ORC5: variants seen among roughly 807,000 people sequenced by gnomAD.
ORC5 encodes protein phosphatase 1, regulatory subunit 117.
ORC5 carries 39 observed loss-of-function variants against 58.8 expected under a neutral mutation model. That is an observed-to-expected ratio of 0.66 (90% confidence interval 0.51 to 0.87). The LOEUF (loss-of-function observed/expected upper bound fraction) is 0.87, where lower values mean the gene tolerates loss of function less well. Among genes scored for constraint, ORC5 ranks in the 40% least tolerant of loss-of-function variants. The pLI is 0.00. For missense variants in ORC5, 493 were observed against 506.3 expected (o/e 0.97, Z 0.25); for synonymous variants, 218 against 177.6 (o/e 1.23, Z -1.81).
At chr7:104,193,279 T>C (rs73415704) in intron 5 of ORC5, among the ~76,000 whole-genome samples, 8,837 of 152,116 alleles carry the variant, frequency 0.058, 852 homozygotes, top group African/African-American at 0.2. Flanking sequence ...TTATAATAAA[T>C]ATAGAAGTAA....
intron 9 of ORC5, 114 bp downstream of exon 9, chr7:104,168,359 A>AT (rs1562815425): frequency 2.1e-6 from 3 of 1,456,406 alleles, no homozygotes; most frequent in Non-Finnish European, 2.8e-6. Context: ...TGAAAAGTAA[A>AT]TTCTCTTTTA....
At chr7:104,160,781 G>C (rs1231937590) in intron 12 of ORC5, among the ~76,000 whole-genome samples, 1 of 151,898 alleles carries the variant, frequency 6.6e-6, no homozygotes, top group Non-Finnish European at 1.5e-5. Flanking sequence ...CAAGCCACTT[G>C]TTTAATTAGC....
At chr7:104,194,860 C>CA (rs1213284506) in intron 5 of ORC5, among the ~76,000 whole-genome samples, 1 of 151,692 alleles carries the variant, frequency 6.6e-6, no homozygotes, top group African/African-American at 2.4e-5. Flanking sequence ...CTCACAGTTC[C>CA]AAAATAAAAA....
rs1357067769 is a variant in ORC5 at position 104,138,601 on chromosome 7, C to T, written c.1150-1708G>A. Among the ~76,000 whole-genome samples the T allele has an allele frequency of 1.3e-5, 2 of 152,048 alleles. No homozygotes were observed. Among genetic ancestry groups the T allele is most frequent in the Non-Finnish European group, 2.9e-5 (2 of 67,992 alleles). On this transcript the variant is annotated intron_variant, in intron 12 of 13. Transcript: ENST00000297431. This position sits in a 1 kb window ranked among gnomAD's most constrained non-coding sequence, Gnocchi z 4.7. ...CATGGCTCACTGCAGCCTCAACCTC[C>T]CCAGACTCAGGTGATCCTCCCACAG...
At chr7:104,144,428 T>C (rs1798722704) in intron 12 of ORC5, among the ~76,000 whole-genome samples, 1 of 152,170 alleles carries the variant, frequency 6.6e-6, no homozygotes, top group Non-Finnish European at 1.5e-5. Flanking sequence ...TATATATCCA[T>C]GAAACTCTTG....
At chr7:104,207,706 C>T (rs540744991) in intron 1 of ORC5, 127 bp downstream of exon 1, 2 of 759,758 alleles carry the variant, frequency 2.6e-6, no homozygotes, top group East Asian at 5.3e-5. Context: ...AACCACAACA[C>T]CCCTATTTAA....
At chr7:104,156,969 C>T (rs1259729784) in intron 12 of ORC5, among the ~76,000 whole-genome samples, 1 of 151,772 alleles carries the variant, frequency 6.6e-6, no homozygotes, top group African/African-American at 2.4e-5. Context: ...AAAAACATTG[C>T]CATCTAGTGT....
At chr7:104,184,921 C>T (rs1233992132) in intron 6 of ORC5, among the ~76,000 whole-genome samples, 1 of 152,112 alleles carries the variant, frequency 6.6e-6, no homozygotes, top group Non-Finnish European at 1.5e-5. Context: ...GACTGCCTTC[C>T]CTAACCAAGT....
intron 8 of ORC5, among the ~76,000 whole-genome samples, chr7:104,181,350 A>C (rs1584509205): frequency 6.6e-6 from 1 of 152,166 alleles, no homozygotes; most frequent in East Asian, 1.9e-4. Context: ...AAAATTCAAA[A>C]ACTATTCATG....
At chr7:104,137,203 A>G (rs1475579217) in intron 12 of ORC5, among the ~76,000 whole-genome samples, 7 of 151,040 alleles carry the variant, frequency 4.6e-5, no homozygotes, top group Non-Finnish European at 8.9e-5. Flanking sequence ...CTTGGGCTCA[A>G]GTGGTCCTCT....
intron 8 of ORC5, 36 bp from the exon 9 acceptor site, chr7:104,168,561 A>T (rs746302030): frequency 7.4e-7 from 1 of 1,350,956 alleles, no homozygotes; most frequent in Non-Finnish European, 1.0e-6. Flanking sequence ...TGAATTAAAA[A>T]TAAATAAAAT....
At chr7:104,184,668 G>A (rs1023020840) in intron 6 of ORC5, among the ~76,000 whole-genome samples, 2 of 150,782 alleles carry the variant, frequency 1.3e-5, no homozygotes, top group Non-Finnish European at 2.9e-5. Flanking sequence ...AGGGCTGCAA[G>A]CACAAGAACA....
Position 104,188,518 on chromosome 7 carries a change from G to A in ORC5, c.554-137C>T, listed in dbSNP as rs1240393573. 8.7e-6 allele frequency: 5 copies of A among 575,334 alleles called. No individual in the cohort carries two copies. In the Admixed American group the frequency reaches 1.3e-4, roughly 15 times the overall value. The allele number at this position is 575,334 out of a possible 1,614,324, so 35.6% of individuals were successfully genotyped here. A position where few individuals can be genotyped will look rare whatever the true frequency, so the allele number is the denominator to read the frequency against. On this transcript the variant is annotated intron_variant, in intron 5 of 13. Coordinates refer to ENST00000297431, the MANE Select transcript of ORC5 (RefSeq NM_002553.4). The stretch of plus-strand genomic sequence containing the variant: ...TTAAGGAATAATAAAACTATTACAA[G>A]ATTAGAATACAAAAGTGTGATTTGT...
Position 104,136,875 on chromosome 7 carries a change from G to A in ORC5, c.1168C>T (p.Leu390Phe). The stretch of plus-strand genomic sequence containing the variant: ...TGGCCAACCAGGGTTAACAGCTGAA[G>A]GGTCACTAGAGAGGTAATCTAAAAG... ...IFSQITSLVT[L>F]QLLTLVGHDD... is the part of the protein sequence containing the mutation. The change falls in exon 13 of 14, where the codon CTT becomes TTT. Residue 390 changes from leucine (L) to phenylalanine (F), a missense_variant. Leu to Phe is a conservative substitution (Grantham distance 22). This residue lies in a region of ORC5 where 77 missense variants were observed against 86.1 expected (regional missense o/e 0.89). Transcript: ENST00000297431. The surrounding 1 kb of genome is among the most constrained non-coding windows in gnomAD (Gnocchi z 4.2). 6.2e-7 allele frequency: 1 copy of A among 1,612,822 alleles called. No individual in the cohort carries two copies. The highest frequency in any genetic ancestry group is 2.2e-5 in the East Asian group (1 of 44,828).
chr7:104,147,586 C>T (rs890641878), intron 12 of ORC5, among the ~76,000 whole-genome samples: 4 of 152,018 alleles, frequency 2.6e-5, no homozygotes, highest in Non-Finnish European at 5.9e-5. Flanking sequence ...ATGAAAGAGA[C>T]ATCATAAAAG....
At position 104,136,383 on chromosome 7, in the gene ORC5, T is replaced by C. The variant is rs1467948404; in HGVS notation, c.1262+398A>G. On this transcript the variant is annotated intron_variant, in intron 13 of 13. Coordinates refer to ENST00000297431, the MANE Select transcript of ORC5 (RefSeq NM_002553.4). The surrounding 1 kb of genome is among the most constrained non-coding windows in gnomAD (Gnocchi z 4.2). ...ATTATGTCCCCTGACCTAGACACTATATTTCTATCAGTGTTACCTAAGTCA... is the reference window on the plus strand; with the variant it reads ...ATTATGTCCCCTGACCTAGACACTACATTTCTATCAGTGTTACCTAAGTCA... Among the ~76,000 whole-genome samples, 1 of 152,118 alleles carries C rather than the reference T, an allele frequency of 6.6e-6. No homozygotes were observed. The highest frequency in any genetic ancestry group is 1.5e-5 in the Non-Finnish European group (1 of 68,028).
At chr7:104,146,715 C>T (rs1002551710) in intron 12 of ORC5, among the ~76,000 whole-genome samples, 1 of 152,104 alleles carries the variant, frequency 6.6e-6, no homozygotes, top group Non-Finnish European at 1.5e-5. Flanking sequence ...ATAATGGAAC[C>T]GGTCTTGACT....
chr7:104,193,892 TCTTTA>T (rs923897673), intron 5 of ORC5, among the ~76,000 whole-genome samples: 2 of 151,760 alleles, frequency 1.3e-5, no homozygotes, highest in African/African-American at 4.8e-5. Flanking sequence ...CTGCTTTGTA[TCTTTA>T]CTTTTTAAAT....
Position 104,133,336 on chromosome 7 carries a change from A to G in ORC5, c.1262+3445T>C, listed in dbSNP as rs1280756048. ...TAACAAGTGAATGAAATTGAGACAA[A>G]TAAGAGGGGCTTTGTAAGCTCAATA... On this transcript the variant is annotated intron_variant, in intron 13 of 13. Coordinates refer to ENST00000297431, the MANE Select transcript of ORC5 (RefSeq NM_002553.4). This position sits in a 1 kb window ranked among gnomAD's most constrained non-coding sequence, Gnocchi z 4.7. Among the ~76,000 whole-genome samples, 1 of 152,158 alleles carries G rather than the reference A, an allele frequency of 6.6e-6. No individual in the cohort carries two copies. Among genetic ancestry groups the G allele is most frequent in the African/African-American group, 2.4e-5 (1 of 41,414 alleles).
Sources: allele counts gnomAD v4.1 joint callset (sites outside exome capture counted in the v4.1 genomes callset), GRCh38; gene constraint gnomAD v4.1.1; regional missense constraint gnomAD v4.1.1; non-coding constraint Gnocchi (gnomAD v3.1); transcripts MANE v1.5; gene names NCBI Gene and HGNC (gene_info 2026-07-23, HGNC 2026-07-21).